Variants in GPHN observed in about 807,000 individuals in gnomAD.
GPHN encodes the protein gephyrin.
In GPHN, 17 loss-of-function variants were observed where a neutral mutation model predicts 95.5. The observed-to-expected ratio is 0.18, with a 90% CI of 0.12 to 0.27. GPHN has a LOEUF of 0.27. Among genes scored for constraint, GPHN ranks in the 10% least tolerant of loss-of-function variants. GPHN has a pLI of 1.00. For synonymous variants in GPHN, 320 were observed against 322.5 expected, an observed-to-expected ratio of 0.99 and a Z score of 0.08; for missense variants, 660 against 978.1, an observed-to-expected ratio of 0.67 and a Z score of 4.34.
At chr14:66,771,126 C>T (rs2059152064) in intron 2 of GPHN, among the ~76,000 whole-genome samples, 1 of 152,194 alleles carries the variant, frequency 6.6e-6, no homozygotes, top group Non-Finnish European at 1.5e-5. Flanking sequence ...TTACTAATAA[C>T]TATCACTCCT....
At chr14:67,272,740 C>T in the GPHN span, among the ~76,000 whole-genome samples, 2 of 152,314 alleles carry the variant, frequency 1.3e-5, no homozygotes, top group South Asian at 4.1e-4. Context: ...CTCACTACAA[C>T]CTCTGCCTCC....
chr14:67,139,256 C>T (rs1429734893), intron 17 of GPHN, among the ~76,000 whole-genome samples: 4 of 151,892 alleles, frequency 2.6e-5, no homozygotes, highest in Non-Finnish European at 5.9e-5. Context: ...CTAGGTCTCA[C>T]TACATCACCC....
the GPHN span, chr14:67,294,295 T>A: frequency 7.7e-6 from 1 of 130,176 alleles, no homozygotes; most frequent in Non-Finnish European, 1.5e-5. Context: ...TTCAGTACAT[T>A]ATACTTGTGA....
chr14:66,903,280 G>T (rs556280208), intron 5 of GPHN, among the ~76,000 whole-genome samples: 13 of 152,198 alleles, frequency 8.5e-5, no homozygotes, highest in Non-Finnish European at 1.8e-4. Flanking sequence ...CAGCTCCAGT[G>T]GTGGGTGCAC....
At chr14:66,614,740 T>C (rs1383068557) in intron 1 of GPHN, among the ~76,000 whole-genome samples, 1 of 151,838 alleles carries the variant, frequency 6.6e-6, no homozygotes, top group East Asian at 1.9e-4. Context: ...TTTTTTATGA[T>C]TTTTTTCTTT....
chr14:67,353,227 T>G, the GPHN span, among the ~76,000 whole-genome samples: 1 of 152,250 alleles, frequency 6.6e-6, no homozygotes, highest in Non-Finnish European at 1.5e-5. Context: ...CTTCATGTGT[T>G]GGAAACAATC....
At chr14:66,928,209 C>CT (rs1461692859) in intron 8 of GPHN, among the ~76,000 whole-genome samples, 1 of 152,218 alleles carries the variant, frequency 6.6e-6, no homozygotes, top group East Asian at 1.9e-4. Flanking sequence ...AATCTCATTA[C>CT]TTATTGCTGT....
At chr14:67,127,908 C>T (rs2079431764) in intron 17 of GPHN, among the ~76,000 whole-genome samples, 1 of 152,164 alleles carries the variant, frequency 6.6e-6, no homozygotes, top group Admixed American at 6.5e-5. Context: ...ATTACAAAGC[C>T]TCAAAATGGT....
the GPHN span, among the ~76,000 whole-genome samples, chr14:67,595,998 G>T: frequency 6.6e-6 from 1 of 152,082 alleles, no homozygotes; most frequent in Admixed American, 6.5e-5. Flanking sequence ...CTCAAAAAAT[G>T]GTGTCTATTA....
At chr14:66,997,657 A>C (rs1229495695) in intron 9 of GPHN, among the ~76,000 whole-genome samples, 4 of 152,248 alleles carry the variant, frequency 2.6e-5, no homozygotes, top group Non-Finnish European at 5.9e-5. Flanking sequence ...CAAAAGAAAT[A>C]GCATGACAAA....
At chr14:66,684,494 G>A (rs1214071380) in intron 2 of GPHN, among the ~76,000 whole-genome samples, 3 of 152,170 alleles carry the variant, frequency 2.0e-5, no homozygotes, top group Admixed American at 1.3e-4. Context: ...TGAAAGTGCA[G>A]AACCTAAACT....
chr14:66,951,009 C>T (rs564053370), intron 8 of GPHN, among the ~76,000 whole-genome samples: 2 of 152,152 alleles, frequency 1.3e-5, no homozygotes, highest in East Asian at 3.9e-4. Context: ...ACTGCAACCT[C>T]CCCCTCTCAG....
the GPHN span, among the ~76,000 whole-genome samples, chr14:67,619,546 A>T: frequency 2.0e-5 from 3 of 152,264 alleles, no homozygotes; most frequent in Non-Finnish European, 4.4e-5. Context: ...GCCCATCCGT[A>T]GAGTCAGCAT....
At chr14:67,534,566 GA>G in the GPHN span, among the ~76,000 whole-genome samples, 1 of 152,100 alleles carries the variant, frequency 6.6e-6, no homozygotes, top group Non-Finnish European at 1.5e-5. Flanking sequence ...AGCCATAACT[GA>G]AACCCAAGCC....
chr14:67,359,661 C>T, the GPHN span: 2 of 1,614,050 alleles, frequency 1.2e-6, no homozygotes, highest in South Asian at 1.1e-5. Context: ...TACTTACATT[C>T]GCGAGGGAAA....
chr14:66,632,489 CTTTT>C (rs60856342), intron 1 of GPHN, among the ~76,000 whole-genome samples: 1,440 of 121,982 alleles, frequency 0.012, 12 homozygotes, highest in Non-Finnish European at 0.019. Flanking sequence ...ACAATACATT[CTTTT>C]TTTTTTTTTT....
In GPHN at chr14:67,089,024, G is replaced by A. The variant is rs2077023629; in HGVS notation, c.1186G>A (p.Asp396Asn). The part of the protein sequence containing the change: ...RVLAQDVYAK[D>N]NLPPFPASVK... Reference sequence around the variant, plus strand: ...CCTTGCTCAAGATGTATATGCAAAAGACAATTTACCCCCCTTCCCAGCATC... The same window carrying A: ...CCTTGCTCAAGATGTATATGCAAAAAACAATTTACCCCCCTTCCCAGCATC... The change falls in exon 12 of 23, where the codon GAC becomes AAC. Residue 396 changes from aspartate (D) to asparagine (N), a missense_variant. Asp to Asn is a conservative substitution (Grantham distance 23). Coordinates refer to ENST00000478722, the MANE Select transcript of GPHN (RefSeq NM_020806.5). 3 of 1,604,460 alleles carry A rather than the reference G, an allele frequency of 1.9e-6. No individual in the cohort carries two copies. Among genetic ancestry groups the A allele is most frequent in the Non-Finnish European group, 2.6e-6 (3 of 1,172,178 alleles).
intron 3 of GPHN, among the ~76,000 whole-genome samples, chr14:66,807,661 A>G (rs1470816849): frequency 3.3e-5 from 5 of 152,198 alleles, no homozygotes; most frequent in Non-Finnish European, 5.9e-5. Context: ...GGTAATCACT[A>G]TCCTGATTTC....
intron 1 of GPHN, among the ~76,000 whole-genome samples, chr14:66,534,446 C>A (rs1052198177): frequency 9.9e-5 from 15 of 151,940 alleles, no homozygotes; most frequent in Admixed American, 3.3e-4. Flanking sequence ...TACCTTGGTT[C>A]TTTTTATTGC....
Sources: allele counts gnomAD v4.1 joint callset (sites outside exome capture counted in the v4.1 genomes callset), GRCh38; gene constraint gnomAD v4.1.1; transcripts MANE v1.5; gene names NCBI Gene and HGNC (gene_info 2026-07-23, HGNC 2026-07-21).